Variants in IMMP2L observed in about 807,000 individuals in gnomAD.
IMMP2L encodes inner mitochondrial membrane peptidase subunit 2, also known as mitochondrial inner membrane protease subunit 2.
In IMMP2L, 18 loss-of-function variants were observed where a neutral mutation model predicts 19.3. That is an observed-to-expected ratio of 0.93 (90% CI 0.64 to 1.38). IMMP2L has a LOEUF of 1.38. Ranked by LOEUF, IMMP2L falls within the 40% of genes most tolerant of loss-of-function variation. The probability of loss-of-function intolerance (pLI) is 0.00; values close to 1 mark genes in which losing one functional copy is unlikely to be tolerated. For synonymous variants in IMMP2L, 76 were observed against 73.0 expected (o/e 1.04, Z -0.21); for missense variants, 233 against 218.2 (o/e 1.07, Z -0.43).
chr7:110,929,765 C>T (rs775241126), intron 4 of IMMP2L, among the ~76,000 whole-genome samples: 3 of 152,060 alleles, frequency 2.0e-5, no homozygotes, highest in Non-Finnish European at 4.4e-5. Flanking sequence ...GATTAAATAA[C>T]AAAAAGGTTT....
intron 3 of IMMP2L, among the ~76,000 whole-genome samples, chr7:111,133,259 T>C (rs984955971): frequency 2.2e-4 from 34 of 152,076 alleles, no homozygotes; most frequent in African/African-American, 4.1e-4. Context: ...AATCTGGCAA[T>C]TGCAATTCAG....
At chr7:110,706,415 T>C (rs890378963) in intron 5 of IMMP2L, among the ~76,000 whole-genome samples, 4 of 152,186 alleles carry the variant, frequency 2.6e-5, no homozygotes, top group Non-Finnish European at 4.4e-5. Context: ...TAGTTCTAAG[T>C]TCTTTGAGAA....
At chr7:111,282,543 T>C (rs2130686311) in intron 3 of IMMP2L, among the ~76,000 whole-genome samples, 1 of 152,278 alleles carries the variant, frequency 6.6e-6, no homozygotes, top group South Asian at 2.1e-4. Context: ...GAGAAACAGA[T>C]GATTCAACAA....
intron 5 of IMMP2L, among the ~76,000 whole-genome samples, chr7:110,744,340 C>T (rs1562951097): frequency 6.6e-6 from 1 of 152,152 alleles, no homozygotes; most frequent in South Asian, 2.1e-4. Context: ...CTTAAACGTC[C>T]CTACCTGGCA....
At chr7:111,134,359 G>C (rs1802135095) in intron 3 of IMMP2L, among the ~76,000 whole-genome samples, 1 of 151,864 alleles carries the variant, frequency 6.6e-6, no homozygotes, top group Non-Finnish European at 1.5e-5. Flanking sequence ...TAAAGAAAGA[G>C]TATTTGTAGA....
At chr7:111,125,182 A>G in intron 3 of IMMP2L, 1 of 301,558 alleles carries the variant, frequency 3.3e-6, no homozygotes, top group East Asian at 6.7e-5. Flanking sequence ...CTACAGTTCA[A>G]GTGGACAAAA....
At position 111,153,613 on chromosome 7, in the gene IMMP2L, T is replaced by G. The variant is rs578102331; in HGVS notation, c.240-190048A>C. 7.9e-5 allele frequency among the ~76,000 whole-genome samples: 12 copies of G among 152,160 alleles called. No individual in the cohort carries two copies. In the South Asian group the frequency reaches 2.5e-3, roughly 32 times the overall value. ...TATTTTTCTTTACTTATACTGTACTTGGAAACATAGTAAAAGTATCTAAAA... is the reference window on the plus strand; with the variant it reads ...TATTTTTCTTTACTTATACTGTACTGGGAAACATAGTAAAAGTATCTAAAA... On this transcript the variant is annotated intron_variant, in intron 3 of 5. Transcript: ENST00000405709.
At chr7:110,742,868 A>C (rs1261317027) in intron 5 of IMMP2L, among the ~76,000 whole-genome samples, 4 of 152,156 alleles carry the variant, frequency 2.6e-5, no homozygotes, top group Non-Finnish European at 5.9e-5. Flanking sequence ...AAATTAAGTC[A>C]CATATCTCCT....
At position 110,815,709 on chromosome 7, in the gene IMMP2L, C is replaced by T. The variant is rs374864461; in HGVS notation, c.408+70884G>A. ...TTTAGTCTTGGGAGGGTGTATGTGT[C>T]GAGGAATTTATCCATTTCTTCTAGA... On this transcript the variant is annotated intron_variant, in intron 5 of 5. Coordinates refer to ENST00000405709, the MANE Select transcript of IMMP2L (RefSeq NM_032549.4). 1.2e-4 allele frequency among the ~76,000 whole-genome samples: 19 copies of T among 152,152 alleles called. No individual in the cohort carries two copies. The East Asian group carries it at 2.7e-3, about 22-fold the overall frequency.
intron 2 of IMMP2L, among the ~76,000 whole-genome samples, chr7:111,493,218 G>A (rs1468077470): frequency 6.6e-6 from 1 of 151,990 alleles, no homozygotes; most frequent in Non-Finnish European, 1.5e-5. Flanking sequence ...GTTGAATAGG[G>A]CTTTGTTATT....
intron 3 of IMMP2L, among the ~76,000 whole-genome samples, chr7:111,186,907 A>G (rs533783417): frequency 3.3e-5 from 5 of 151,938 alleles, no homozygotes; most frequent in African/African-American, 1.2e-4. Flanking sequence ...TTTCCCTACA[A>G]TTTTCTGTAA....
chr7:111,239,443 A>C (rs1814737017), intron 3 of IMMP2L, among the ~76,000 whole-genome samples: 1 of 151,948 alleles, frequency 6.6e-6, no homozygotes, highest in Admixed American at 6.6e-5. Flanking sequence ...GACAAGACAA[A>C]GATAAAATGT....
At chr7:111,159,378 TG>T (rs1805004755) in intron 3 of IMMP2L, among the ~76,000 whole-genome samples, 1 of 152,142 alleles carries the variant, frequency 6.6e-6, no homozygotes, top group African/African-American at 2.4e-5. Flanking sequence ...CCTCCCAAAG[TG>T]CTGGGATTAC....
chr7:110,692,121 C>T (rs147207193), intron 5 of IMMP2L, among the ~76,000 whole-genome samples: 1 of 152,048 alleles, frequency 6.6e-6, no homozygotes, highest in Non-Finnish European at 1.5e-5. Flanking sequence ...ACACTCCCCC[C>T]ACAACACACA....
At chr7:111,467,470 C>T (rs561558468) in intron 3 of IMMP2L, among the ~76,000 whole-genome samples, 33 of 152,080 alleles carry the variant, frequency 2.2e-4, no homozygotes, top group Non-Finnish European at 3.2e-4. Context: ...AGTCACACTG[C>T]TCATACTCAC....
intron 5 of IMMP2L, among the ~76,000 whole-genome samples, chr7:110,806,213 C>T (rs1245721838): frequency 6.6e-6 from 1 of 151,940 alleles, no homozygotes; most frequent in African/African-American, 2.4e-5. Context: ...GCTCAAATGT[C>T]AGCGGAAGTC....
At chr7:111,237,929 A>G (rs573716073) in intron 3 of IMMP2L, among the ~76,000 whole-genome samples, 1 of 152,212 alleles carries the variant, frequency 6.6e-6, no homozygotes, top group African/African-American at 2.4e-5. Flanking sequence ...CCAATAAAGT[A>G]GCTGTAATAA....
intron 3 of IMMP2L, among the ~76,000 whole-genome samples, chr7:111,160,502 AAATT>A (rs916994965): frequency 5.5e-4 from 83 of 152,060 alleles, no homozygotes; most frequent in African/African-American, 1.8e-3. Flanking sequence ...ATAAGTGAGT[AAATT>A]AATTAACATC....
intron 3 of IMMP2L, among the ~76,000 whole-genome samples, chr7:111,477,385 A>G (rs976414624): frequency 3.9e-5 from 6 of 152,162 alleles, no homozygotes; most frequent in Non-Finnish European, 7.3e-5. Flanking sequence ...ATGAAGTCCA[A>G]TAGAACAATT....
Sources: allele counts gnomAD v4.1 joint callset (sites outside exome capture counted in the v4.1 genomes callset), GRCh38; gene constraint gnomAD v4.1.1; transcripts MANE v1.5; gene names NCBI Gene and HGNC (gene_info 2026-07-23, HGNC 2026-07-21).